PTPRN2: variants seen among roughly 807,000 people sequenced by gnomAD.
PTPRN2 encodes the protein protein tyrosine phosphatase receptor type N2, also known as receptor-type tyrosine-protein phosphatase N2.
In PTPRN2, 74 loss-of-function variants were observed where a neutral mutation model predicts 118.8. The ratio of observed to expected loss-of-function variants is 0.62; its 90% CI spans 0.52 to 0.76. The LOEUF is 0.76. Among genes scored for constraint, PTPRN2 ranks in the 30% least tolerant of loss-of-function variants. PTPRN2 has a pLI of 0.00. For missense variants in PTPRN2, 1,481 were observed against 1,394.4 expected, an observed-to-expected ratio of 1.06 and a Z score of -0.99; for synonymous variants, 641 against 608.0, an observed-to-expected ratio of 1.05 and a Z score of -0.80.
At chr7:157,568,370 G>A (rs1016181911) in intron 21 of PTPRN2, among the ~76,000 whole-genome samples, 4 of 152,218 alleles carry the variant, frequency 2.6e-5, no homozygotes, top group Admixed American at 2.6e-4. Context: ...CCCTAGATAA[G>A]AAGGACATTC....
chr7:158,322,610 A>G (rs150554957), intron 2 of PTPRN2, among the ~76,000 whole-genome samples: 6 of 152,362 alleles, frequency 3.9e-5, no homozygotes, highest in Middle Eastern at 3.4e-3. Context: ...AGCTCCGTGC[A>G]TGGCAGCACC....
At chr7:158,552,296 C>T (rs181829409) in intron 1 of PTPRN2, among the ~76,000 whole-genome samples, 193 of 150,630 alleles carry the variant, frequency 1.3e-3, no homozygotes, top group African/African-American at 4.2e-3. Flanking sequence ...CCCCCGCCAC[C>T]GCCTCCTAAC....
intron 18 of PTPRN2, 111 bp downstream of exon 18, chr7:157,577,910 C>T (rs909953784): frequency 1.9e-5 from 26 of 1,359,058 alleles, no homozygotes; most frequent in Non-Finnish European, 2.3e-5. Context: ...GTGCGCTGAG[C>T]CTCCCTGCAT....
At position 158,274,385 on chromosome 7, in the gene PTPRN2, C is replaced by CACA. The variant is rs1798807045; in HGVS notation, c.277+42433_277+42434insTGT. Among the ~76,000 whole-genome samples, 5 of 127,956 alleles carry CACA rather than the reference C, an allele frequency of 3.9e-5. 1 individual carries two copies. The highest frequency in any genetic ancestry group is 2.4e-4 in the East Asian group (1 of 4,134). 83.9% of individuals were successfully genotyped at this position (127,956 alleles called of 152,430 possible). ...GGGGAGCCGCAGACACAGGGGGAGCCGCAGGCACAGGGGGAGCCACAGGCA... is the reference window on the plus strand; with the variant it reads ...GGGGAGCCGCAGACACAGGGGGAGCCACAGCAGGCACAGGGGGAGCCACAGGCA... On this transcript the variant is annotated intron_variant, in intron 3 of 22. Coordinates refer to ENST00000389418, the MANE Select transcript of PTPRN2 (RefSeq NM_002847.5).
intron 12 of PTPRN2, among the ~76,000 whole-genome samples, chr7:157,698,414 C>G (rs568672845): frequency 1.3e-5 from 2 of 152,320 alleles, no homozygotes; most frequent in South Asian, 4.1e-4. Context: ...ATGAGATAGA[C>G]TTGATATCCC....
At chr7:158,342,433 C>T (rs55854137) in intron 2 of PTPRN2, among the ~76,000 whole-genome samples, 5,185 of 72,700 alleles carry the variant, frequency 0.071, 108 homozygotes, top group Middle Eastern at 0.088. Flanking sequence ...AGAGCTGACA[C>T]CTGCAGACGT....
chr7:158,444,256 C>A (rs1337577694), intron 2 of PTPRN2, among the ~76,000 whole-genome samples: 1 of 152,264 alleles, frequency 6.6e-6, no homozygotes, highest in Non-Finnish European at 1.5e-5. Context: ...CCTGGAGAGG[C>A]CAGGCCACGC....
At chr7:158,503,812 C>T (rs1822551836) in intron 1 of PTPRN2, among the ~76,000 whole-genome samples, 1 of 152,036 alleles carries the variant, frequency 6.6e-6, no homozygotes, top group African/African-American at 2.4e-5. Flanking sequence ...ACCAGCCTGG[C>T]CAACGTGGAG....
chr7:158,226,832 CT>C (rs1279747431), intron 3 of PTPRN2, among the ~76,000 whole-genome samples: 1 of 152,062 alleles, frequency 6.6e-6, no homozygotes, highest in African/African-American at 2.4e-5. Context: ...TTCTGTCTCA[CT>C]TTTTAAAATT....
chr7:157,929,876 TG>T lies in PTPRN2; in HGVS notation c.1724-31140del, dbSNP rs781068684. On this transcript the variant is annotated intron_variant, in intron 11 of 22. Transcript: ENST00000389418. This position sits in a 1 kb window ranked among gnomAD's most constrained non-coding sequence, Gnocchi z 4.4. ...GTCGGCACGCTTATTGTAATGAATC[TG>T]AAGGCAGCCCCCACCAACGCGCTGG... 2.6e-5 allele frequency among the ~76,000 whole-genome samples: 4 copies of T among 151,906 alleles called. No homozygotes were observed. The highest frequency in any genetic ancestry group is 6.5e-5 in the Admixed American group (1 of 15,270).
chr7:157,772,344 TACAC>T (rs1230372050), intron 12 of PTPRN2, among the ~76,000 whole-genome samples: 12 of 100,136 alleles, frequency 1.2e-4, no homozygotes, highest in African/African-American at 3.8e-4. Context: ...CACACAGACA[TACAC>T]ACACACACAT....
intron 1 of PTPRN2, among the ~76,000 whole-genome samples, chr7:158,569,983 G>C (rs886153049): frequency 6.6e-6 from 1 of 152,160 alleles, no homozygotes; most frequent in African/African-American, 2.4e-5. Context: ...GGTGCCGCTC[G>C]CAGACGGGGG....
In PTPRN2 at chr7:157,964,238, C is replaced by T. The variant is rs1236157405; in HGVS notation, c.1724-65501G>A. 6.6e-6 allele frequency among the ~76,000 whole-genome samples: 1 copy of T among 152,084 alleles called. No homozygotes were observed. Among genetic ancestry groups the T allele is most frequent in the African/African-American group, 2.4e-5 (1 of 41,384 alleles). On this transcript the variant is annotated intron_variant, in intron 11 of 22. Coordinates refer to ENST00000389418, the MANE Select transcript of PTPRN2 (RefSeq NM_002847.5). This position sits in a 1 kb window ranked among gnomAD's most constrained non-coding sequence, Gnocchi z 9.0. ...CTGGAGCTCCCAGATGCTCCACACA[C>T]CCACGTCTACAGAAACACTAGGCCA...
intron 12 of PTPRN2, among the ~76,000 whole-genome samples, chr7:157,832,708 C>T (rs186399420): frequency 3.3e-5 from 5 of 152,280 alleles, no homozygotes; most frequent in African/African-American, 9.6e-5. Flanking sequence ...ATATGCTTCG[C>T]GTGGGAATCT....
At chr7:158,323,299 C>G (rs1244747486) in intron 2 of PTPRN2, among the ~76,000 whole-genome samples, 1 of 152,146 alleles carries the variant, frequency 6.6e-6, no homozygotes. Context: ...AAGGCTGGAC[C>G]CCACAGAACT....
chr7:158,531,957 T>G (rs1032617127), intron 1 of PTPRN2, among the ~76,000 whole-genome samples: 20 of 152,162 alleles, frequency 1.3e-4, no homozygotes, highest in Non-Finnish European at 2.8e-4. Context: ...GGGTTTCCAC[T>G]GACAAGGACA....
At chr7:157,588,244 C>G (rs1585069841) in intron 17 of PTPRN2, among the ~76,000 whole-genome samples, 1 of 152,354 alleles carries the variant, frequency 6.6e-6, no homozygotes, top group East Asian at 1.9e-4. Context: ...TTCTGCAGCT[C>G]TTTCTAAAAA....
At chr7:157,748,027 C>T (rs193219485) in intron 12 of PTPRN2, among the ~76,000 whole-genome samples, 496 of 118,220 alleles carry the variant, frequency 4.2e-3, no homozygotes, top group Admixed American at 9.4e-3. Flanking sequence ...CTGAGGCCTG[C>T]GTCCCTGAGC....
intron 1 of PTPRN2, among the ~76,000 whole-genome samples, chr7:158,497,847 T>A (rs1167119361): frequency 6.6e-6 from 1 of 152,228 alleles, no homozygotes; most frequent in Non-Finnish European, 1.5e-5. Flanking sequence ...CCGTCCCCTG[T>A]GCTGGGAGGA....
Sources: gnomAD v4.1 joint callset for allele counts (sites outside exome capture counted in the v4.1 genomes callset) on GRCh38, gnomAD v4.1.1 for gene constraint, Gnocchi (gnomAD v3.1) non-coding constraint, MANE v1.5 for transcripts, NCBI Gene and HGNC (gene_info 2026-07-23, HGNC 2026-07-21) for gene names.